The following ATP8B4 variants were observed in gnomAD, a reference collection of about 807,000 sequenced individuals.
ATP8B4 encodes the protein probable phospholipid-transporting ATPase IM.
Under a neutral mutation model 145.6 loss-of-function variants are expected in ATP8B4, and 133 were observed. That is an observed-to-expected ratio of 0.91 (90% CI 0.79 to 1.05). The LOEUF is 1.05. ATP8B4 is among the 50% of genes least tolerant of loss of function. ATP8B4 has a pLI of 0.00. For synonymous variants in ATP8B4, 507 were observed against 492.9 expected (o/e 1.03, Z -0.38); for missense variants, 1,458 against 1,425.2 (o/e 1.02, Z -0.37).
chr15:50,021,730 T>C (rs2049588021), intron 6 of ATP8B4, among the ~76,000 whole-genome samples: 1 of 152,262 alleles, frequency 6.6e-6, no homozygotes, highest in Admixed American at 6.5e-5. Context: ...GTTTATTATG[T>C]GTCTTCCACA....
At chr15:49,950,764 C>T (rs1434520818) in intron 14 of ATP8B4, among the ~76,000 whole-genome samples, 1 of 151,904 alleles carries the variant, frequency 6.6e-6, no homozygotes, top group Non-Finnish European at 1.5e-5. Flanking sequence ...TTTGCTCTTG[C>T]CTCTCTAGCT....
intron 2 of ATP8B4, among the ~76,000 whole-genome samples, chr15:50,090,429 G>T (rs28699536): frequency 0.16 from 24,720 of 152,118 alleles, 2,163 homozygotes; most frequent in Non-Finnish European, 0.18. Context: ...CTTGGGAGGT[G>T]ATTAGGTCAT....
chr15:50,175,582 C>T (rs537769206), intron 1 of ATP8B4, among the ~76,000 whole-genome samples: 3 of 152,250 alleles, frequency 2.0e-5, no homozygotes, highest in East Asian at 3.9e-4. Flanking sequence ...AAATGGTCAA[C>T]AAGCATATTA....
At position 49,944,388 on chromosome 15, in the gene ATP8B4, G is replaced by A. The variant is rs564359610; in HGVS notation, c.1288-10206C>T. On this transcript the variant is annotated intron_variant, in intron 14 of 27. Coordinates refer to ENST00000284509, the MANE Select transcript of ATP8B4 (RefSeq NM_024837.4). ...GAAGGGATGGAAAAAAATATTCCAT[G>A]AAAATGGCAAACAAAAGAGAGAAGA... Among the ~76,000 whole-genome samples, 15 of 152,200 alleles carry A rather than the reference G, an allele frequency of 9.9e-5. No homozygotes were observed. In the South Asian group the frequency reaches 2.7e-3, roughly 27 times the overall value.
intron 10 of ATP8B4, among the ~76,000 whole-genome samples, chr15:49,984,647 C>T (rs932355985): frequency 6.6e-6 from 1 of 152,116 alleles, no homozygotes; most frequent in Non-Finnish European, 1.5e-5. Flanking sequence ...ATACCTTGAT[C>T]GTAATCTCCT....
At chr15:49,990,426 C>T (rs7164710) in intron 9 of ATP8B4, among the ~76,000 whole-genome samples, 41,763 of 152,008 alleles carry the variant, frequency 0.27, 6,151 homozygotes, top group African/African-American at 0.38. Context: ...AAGAAAATCA[C>T]GTCAATAATG....
At chr15:50,137,417 G>A (rs1229394312) in intron 1 of ATP8B4, among the ~76,000 whole-genome samples, 2 of 152,226 alleles carry the variant, frequency 1.3e-5, no homozygotes, top group African/African-American at 4.8e-5. Context: ...TGACTGAGGA[G>A]AGCCACTGTG....
intron 2 of ATP8B4, among the ~76,000 whole-genome samples, chr15:50,084,136 C>T (rs966015029): frequency 1.3e-5 from 2 of 151,990 alleles, no homozygotes; most frequent in Non-Finnish European, 2.9e-5. Context: ...CAGACTACAC[C>T]ACCGTGATGT....
At chr15:50,098,815 AGG>A (rs1411496081) in intron 2 of ATP8B4, among the ~76,000 whole-genome samples, 1 of 152,130 alleles carries the variant, frequency 6.6e-6, no homozygotes, top group Non-Finnish European at 1.5e-5. Context: ...CAGAGTGCCT[AGG>A]GCCCATGATA....
intron 23 of ATP8B4, among the ~76,000 whole-genome samples, chr15:49,890,749 C>T (rs1178484369): frequency 6.6e-6 from 1 of 152,148 alleles, no homozygotes; most frequent in East Asian, 1.9e-4. Context: ...CTAATCAGGC[C>T]CTTCCAGTGA....
At chr15:50,032,020 C>A (rs1192831579) in intron 6 of ATP8B4, among the ~76,000 whole-genome samples, 1 of 152,136 alleles carries the variant, frequency 6.6e-6, no homozygotes, top group Admixed American at 6.6e-5. Flanking sequence ...TTTGATTCAA[C>A]AAATATTTAT....
At chr15:50,165,078 C>T (rs2044576252) in intron 1 of ATP8B4, among the ~76,000 whole-genome samples, 1 of 151,042 alleles carries the variant, frequency 6.6e-6, no homozygotes, top group African/African-American at 2.4e-5. Flanking sequence ...GAGATGGAGT[C>T]TCGCTCTGTT....
intron 3 of ATP8B4, among the ~76,000 whole-genome samples, chr15:50,068,492 T>C (rs962384891): frequency 6.6e-6 from 1 of 152,206 alleles, no homozygotes; most frequent in African/African-American, 2.4e-5. Flanking sequence ...GGACTCTTTC[T>C]TTCTAAGCAT....
At chr15:49,998,421 T>A (rs1469833667) in intron 8 of ATP8B4, among the ~76,000 whole-genome samples, 1 of 152,230 alleles carries the variant, frequency 6.6e-6, no homozygotes, top group East Asian at 1.9e-4. Flanking sequence ...GACTTTTTAA[T>A]GATTGCCATT....
chr15:50,061,950 A>G (rs966740461), intron 3 of ATP8B4, among the ~76,000 whole-genome samples: 4 of 152,214 alleles, frequency 2.6e-5, no homozygotes, highest in African/African-American at 9.7e-5. Flanking sequence ...ATAAGCTAAC[A>G]CTATTCATTT....
chr15:50,122,565 C>A (rs1158407616), upstream of ATP8B4, among the ~76,000 whole-genome samples: 3 of 152,076 alleles, frequency 2.0e-5, no homozygotes, highest in Non-Finnish European at 2.9e-5. Context: ...TTAAGGCCAA[C>A]AAGGGAAGAT....
rs549268537 is a variant in ATP8B4 at position 49,972,507 on chromosome 15, A to AT, written c.1243+74dup. 3,141 of 1,386,426 alleles carry AT rather than the reference A, an allele frequency of 2.3e-3. 3 individuals carry two copies. The highest frequency in any genetic ancestry group is 4.4e-3 in the South Asian group (320 of 73,430). 85.9% of individuals were successfully genotyped at this position (1,386,426 alleles called of 1,614,324 possible). On this transcript the variant is annotated intron_variant, in intron 13 of 27. Transcript: ENST00000284509. Reference sequence around the variant, plus strand: ...GCCAGCGACTGTTTTGGATTTTTAAATTTTTTTTTAATGGGGTCAGTTATT... The same window carrying AT: ...GCCAGCGACTGTTTTGGATTTTTAAATTTTTTTTTTAATGGGGTCAGTTATT...
At chr15:49,922,492 T>A (rs544011004) in intron 17 of ATP8B4, 1 of 381,238 alleles carries the variant, frequency 2.6e-6, no homozygotes, top group South Asian at 1.9e-5. Flanking sequence ...CAAACCATCA[T>A]TTTTTAAATT....
intron 14 of ATP8B4, among the ~76,000 whole-genome samples, chr15:49,948,749 G>A (rs1271312516): frequency 1.3e-5 from 2 of 152,146 alleles, no homozygotes. Flanking sequence ...TCTGTAGGTA[G>A]CCTGTTCACT....
Sources: allele counts gnomAD v4.1 joint callset (sites outside exome capture counted in the v4.1 genomes callset), GRCh38; gene constraint gnomAD v4.1.1; transcripts MANE v1.5; gene names NCBI Gene and HGNC (gene_info 2026-07-23, HGNC 2026-07-21).